The following KCTD1 variants were observed in gnomAD, a reference collection of about 807,000 sequenced individuals.
KCTD1 encodes the protein BTB/POZ domain-containing protein KCTD1.
KCTD1 carries 24 observed loss-of-function variants against 66.0 expected under a neutral mutation model. The ratio of observed to expected loss-of-function variants is 0.36; its 90% CI spans 0.26 to 0.51. KCTD1 has a LOEUF of 0.51. Ranked by LOEUF, KCTD1 falls within the 20% of genes least tolerant of loss-of-function variation. The pLI is 0.95. For synonymous variants in KCTD1, 511 were observed against 517.2 expected (o/e 0.99, Z 0.16); for missense variants, 943 against 1,205.2 (o/e 0.78, Z 3.22).
At chr18:26,598,788 T>C (rs1434197188) in intron 1 of KCTD1, among the ~76,000 whole-genome samples, 1 of 152,138 alleles carries the variant, frequency 6.6e-6, no homozygotes, top group Non-Finnish European at 1.5e-5. Context: ...GCCATTCATA[T>C]ATATTCTTTG....
chr18:26,636,175 G>A (rs940755736), intron 1 of KCTD1, among the ~76,000 whole-genome samples: 1 of 152,186 alleles, frequency 6.6e-6, no homozygotes, highest in Admixed American at 6.5e-5. Flanking sequence ...CTGCCGTGAA[G>A]AGAGAAGCAA....
intron 1 of KCTD1, among the ~76,000 whole-genome samples, chr18:26,576,084 G>A (rs1032101488): frequency 1.6e-4 from 24 of 152,196 alleles, no homozygotes; most frequent in African/African-American, 5.8e-4. Context: ...AGGAAGCTTT[G>A]CTAACACTGC....
intron 1 of KCTD1, among the ~76,000 whole-genome samples, chr18:26,503,754 C>T (rs1982889484): frequency 6.8e-6 from 1 of 147,818 alleles, no homozygotes; most frequent in African/African-American, 2.5e-5. Flanking sequence ...TGAAGCATTC[C>T]AGATTTCTCA....
chr18:26,622,041 T>G (rs1009154378), intron 1 of KCTD1, among the ~76,000 whole-genome samples: 2 of 152,238 alleles, frequency 1.3e-5, no homozygotes, highest in Admixed American at 1.3e-4. Context: ...TCTGATTAGC[T>G]GTGTGGCTTT....
At chr18:26,571,360 T>A (rs1445689265) in intron 1 of KCTD1, among the ~76,000 whole-genome samples, 3 of 152,274 alleles carry the variant, frequency 2.0e-5, no homozygotes, top group Non-Finnish European at 4.4e-5. Flanking sequence ...TATTGCAATT[T>A]AAAAAAATAC....
chr18:26,650,349 C>G (rs1988006942), intron 1 of KCTD1, among the ~76,000 whole-genome samples: 1 of 152,200 alleles, frequency 6.6e-6, no homozygotes, highest in South Asian at 2.1e-4. Context: ...TTATTGAGCA[C>G]TTATCCTGTG....
chr18:26,630,767 T>G (rs533289), upstream of KCTD1, among the ~76,000 whole-genome samples: 126,071 of 152,214 alleles, frequency 0.83, 52,475 homozygotes, highest in African/African-American at 0.87. Flanking sequence ...TAGCCACTTT[T>G]TCATGGAACG....
At chr18:26,583,290 A>C (rs1367471873) in intron 1 of KCTD1, among the ~76,000 whole-genome samples, 12 of 148,780 alleles carry the variant, frequency 8.1e-5, no homozygotes, top group Admixed American at 4.1e-4. Flanking sequence ...GCTACTCAGG[A>C]GGCTGAGGCA....
At chr18:26,597,033 C>A (rs1012406840) in intron 1 of KCTD1, among the ~76,000 whole-genome samples, 15 of 151,308 alleles carry the variant, frequency 9.9e-5, no homozygotes, top group African/African-American at 3.6e-4. Context: ...GCTGCAGTGA[C>A]CCAGAGAAGG....
chr18:26,609,373 C>T (rs1436053878), intron 1 of KCTD1, among the ~76,000 whole-genome samples: 1 of 152,226 alleles, frequency 6.6e-6, no homozygotes, highest in Non-Finnish European at 1.5e-5. Flanking sequence ...TCCTGCCTCA[C>T]TGTCCACTGC....
chr18:26,627,262 TTGTGTGTGTGTGTG>T (rs59902249), intron 1 of KCTD1, among the ~76,000 whole-genome samples: 4 of 145,932 alleles, frequency 2.7e-5, no homozygotes, highest in Non-Finnish European at 6.0e-5. Flanking sequence ...CTTCTGGGTT[TTGTGTGTGTGTGTG>T]TGTGTGTGTG....
chr18:26,500,772 T>C (rs1043508038), intron 2 of KCTD1, among the ~76,000 whole-genome samples: 1 of 152,144 alleles, frequency 6.6e-6, no homozygotes, highest in Non-Finnish European at 1.5e-5. Context: ...TGGGGAGAAA[T>C]CACCATCTTT....
At chr18:26,604,820 T>C (rs1278905273) in intron 1 of KCTD1, among the ~76,000 whole-genome samples, 1 of 152,272 alleles carries the variant, frequency 6.6e-6, no homozygotes, top group East Asian at 1.9e-4. Context: ...TGAAATAATC[T>C]GTACAATTAA....
At chr18:26,489,127 G>A (rs2144643764) in intron 2 of KCTD1, among the ~76,000 whole-genome samples, 1 of 152,326 alleles carries the variant, frequency 6.6e-6, no homozygotes, top group East Asian at 1.9e-4. Context: ...GCAGCTGGCT[G>A]CTTTGGGGAC....
At chr18:26,517,244 AT>A (rs1346951877) in intron 1 of KCTD1, among the ~76,000 whole-genome samples, 1 of 152,182 alleles carries the variant, frequency 6.6e-6, no homozygotes, top group East Asian at 1.9e-4. Context: ...AGCTCCCATA[AT>A]CCCCATGTGT....
chr18:26,462,485 CAGAG>C (rs748770106), intron 3 of KCTD1, among the ~76,000 whole-genome samples: 2 of 152,236 alleles, frequency 1.3e-5, no homozygotes, highest in Non-Finnish European at 2.9e-5. Flanking sequence ...GAGCAGATGA[CAGAG>C]AACAGCTGAG....
At chr18:26,596,783 CTGT>C (rs1986775465) in intron 1 of KCTD1, among the ~76,000 whole-genome samples, 1 of 152,372 alleles carries the variant, frequency 6.6e-6, no homozygotes, top group South Asian at 2.1e-4. Flanking sequence ...GCCATTGCTA[CTGT>C]TGTTAAGAAT....
intron 1 of KCTD1, among the ~76,000 whole-genome samples, chr18:26,587,756 T>C (rs777608003): frequency 3.3e-5 from 5 of 152,160 alleles, no homozygotes; most frequent in Non-Finnish European, 5.9e-5. Flanking sequence ...GAGGAAGTAA[T>C]TGCAGATGTA....
intron 1 of KCTD1, among the ~76,000 whole-genome samples, chr18:26,513,118 C>T (rs1184007740): frequency 4.4e-5 from 6 of 135,648 alleles, no homozygotes; most frequent in Non-Finnish European, 6.2e-5. Context: ...GACGTAGTCT[C>T]GCTGTGTTGC....
Sources: allele counts gnomAD v4.1 joint callset (sites outside exome capture counted in the v4.1 genomes callset), GRCh38; gene constraint gnomAD v4.1.1; transcripts MANE v1.5; gene names NCBI Gene and HGNC (gene_info 2026-07-23, HGNC 2026-07-21).